The following QRICH1 variants were observed in gnomAD, a reference collection of about 807,000 sequenced individuals.
QRICH1 encodes glutamine rich 1.
Under a neutral mutation model 87.1 loss-of-function variants are expected in QRICH1, and 16 were observed. The ratio of observed to expected loss-of-function variants is 0.18; its 90% CI spans 0.12 to 0.28. The LOEUF is 0.28. Among genes scored for constraint, QRICH1 ranks in the 10% least tolerant of loss-of-function variants. The pLI, the probability that QRICH1 is intolerant of heterozygous loss-of-function variation, is 1.00. For synonymous variants in QRICH1, 367 were observed against 368.4 expected, an observed-to-expected ratio of 1.00 and a Z score of 0.05; for missense variants, 647 against 951.7, an observed-to-expected ratio of 0.68 and a Z score of 4.21.
intron 5 of QRICH1, 150 bp downstream of exon 5, chr3:49,046,275 A>AC: frequency 1.1e-6 from 1 of 903,546 alleles, no homozygotes; most frequent in Non-Finnish European, 1.6e-6. Context: ...AAAAAAAAAA[A>AC]AAACAACAAA....
chr3:49,052,890 G>A (rs1420208759), intron 3 of QRICH1, among the ~76,000 whole-genome samples: 1 of 152,166 alleles, frequency 6.6e-6, no homozygotes. Flanking sequence ...AGAAGTATCA[G>A]TACATACTTC....
rs749075220 is a variant in QRICH1, at chr3:49,032,178, C to T, written c.2138+5G>A. The T allele has an allele frequency of 6.2e-7, 1 of 1,605,478 alleles. No individual in the cohort carries two copies. Among genetic ancestry groups the T allele is most frequent in the Non-Finnish European group, 8.5e-7 (1 of 1,172,140 alleles). ...CATGGACAGCAAGTCACAATAAAGC[C>T]TCACCATTTGAAGAGGTAGAAATCA... On this transcript the variant is annotated splice_donor_5th_base_variant and intron_variant, in intron 9 of 9. Transcript: ENST00000395443.
chr3:49,058,705 T>C (rs936431255), intron 2 of QRICH1, among the ~76,000 whole-genome samples: 1 of 152,236 alleles, frequency 6.6e-6, no homozygotes, highest in East Asian at 1.9e-4. Context: ...CTTGGCTCAC[T>C]GCAACCTCAA....
intron 6 of QRICH1, among the ~76,000 whole-genome samples, chr3:49,038,071 T>C (rs2106830944): frequency 6.6e-6 from 1 of 152,220 alleles, no homozygotes; most frequent in East Asian, 1.9e-4. Flanking sequence ...GGGTAGATTT[T>C]TTTTTTTTAA....
At chr3:49,065,134 ACCT>A (rs1400279445) in intron 2 of QRICH1, among the ~76,000 whole-genome samples, 5 of 151,760 alleles carry the variant, frequency 3.3e-5, no homozygotes, top group Non-Finnish European at 5.9e-5. Flanking sequence ...ATTTTTGGAA[ACCT>A]CTTTTTTTTT....
At chr3:49,041,166 C>T (rs1191170994) in intron 6 of QRICH1, among the ~76,000 whole-genome samples, 1 of 151,982 alleles carries the variant, frequency 6.6e-6, no homozygotes. Context: ...ATATGGGTTT[C>T]CCCATATTGG....
intron 1 of QRICH1, among the ~76,000 whole-genome samples, chr3:49,091,350 A>G (rs914700857): frequency 6.6e-6 from 1 of 152,202 alleles, no homozygotes; most frequent in Non-Finnish European, 1.5e-5. Context: ...CAAGAAAGAA[A>G]TATGGCACAT....
intron 6 of QRICH1, among the ~76,000 whole-genome samples, chr3:49,040,818 C>G (rs2093305593): frequency 6.6e-6 from 1 of 152,164 alleles, no homozygotes; most frequent in Non-Finnish European, 1.5e-5. Context: ...GTGGTTGTGT[C>G]TTTTTGCATT....
chr3:49,087,288 G>C (rs2042184133), intron 1 of QRICH1, among the ~76,000 whole-genome samples: 1 of 150,712 alleles, frequency 6.6e-6, no homozygotes. Context: ...GCCAGGCACA[G>C]TGGCTCACGC....
chr3:49,034,103 A>ATTATTC (rs1371198076), intron 6 of QRICH1, among the ~76,000 whole-genome samples: 1 of 150,870 alleles, frequency 6.6e-6, no homozygotes, highest in Non-Finnish European at 1.5e-5. Flanking sequence ...TATTATTATT[A>ATTATTC]TTATTAGCTA....
In QRICH1 at chr3:49,029,708, G is replaced by A. The variant is rs1406668361; in HGVS notation, c.*744C>T. ...ATAAAGAGACGTTGTTCACTAACAT[G>A]TTGAAAAGACGTGCTTGTCATTCTT... is the stretch of plus-strand genomic sequence containing the variant. On this transcript the variant is annotated 3_prime_UTR_variant, in exon 10 of 10. Coordinates refer to ENST00000395443, the MANE Select transcript of QRICH1 (RefSeq NM_198880.3). The A allele has an allele frequency of 2.7e-6, 1 of 370,526 alleles. No homozygotes were observed. The highest frequency in any genetic ancestry group is 2.1e-5 in the African/African-American group (1 of 48,200). The allele number at this position is 370,526 out of a possible 1,614,324, so 23.0% of individuals were successfully genotyped here.
intron 6 of QRICH1, among the ~76,000 whole-genome samples, chr3:49,038,507 T>C (rs1202574572): frequency 6.6e-6 from 1 of 151,504 alleles, no homozygotes; most frequent in African/African-American, 2.4e-5. Context: ...CCGCCTCTCC[T>C]GGGTTCAAGT....
At chr3:49,059,104 G>T (rs534046945) in intron 2 of QRICH1, among the ~76,000 whole-genome samples, 1 of 151,698 alleles carries the variant, frequency 6.6e-6, no homozygotes, top group African/African-American at 2.4e-5. Flanking sequence ...TGGGACTACA[G>T]GTGCCTGCCA....
chr3:49,062,336 G>C (rs920309409), intron 2 of QRICH1, among the ~76,000 whole-genome samples: 1 of 89,992 alleles, frequency 1.1e-5, no homozygotes, highest in Non-Finnish European at 2.3e-5. Context: ...CTCCATCTCA[G>C]AAAAAAAAAA....
chr3:49,050,357 A>AGGTTGCAG (rs1250971808), intron 3 of QRICH1, among the ~76,000 whole-genome samples: 1 of 136,440 alleles, frequency 7.3e-6, no homozygotes, highest in African/African-American at 2.7e-5. Flanking sequence ...TGGGAGGCAG[A>AGGTTGCAG]GGTTGCAGTG....
chr3:49,057,752 A>T lies in QRICH1; in HGVS notation c.448T>A (p.Ser150Thr). ...CTCTGCAGAGACGGGGTCTGAATGG[A>T]GGGGGCTGCTGACTGTGGTGCCTGG... ...QGQAPQSAAP[S>T]IQTPSLQSPS... The change falls in exon 3 of 10, where the codon TCC (serine) becomes ACC (threonine). Residue 150 changes from serine (S) to threonine (T), a missense_variant. By Grantham distance (58) the Ser-to-Thr change is moderately conservative. Transcript: ENST00000395443. The surrounding 1 kb of genome is among the most constrained non-coding windows in gnomAD (Gnocchi z 5.4). 6.2e-7 allele frequency: 1 copy of T among 1,614,040 alleles called. No individual in the cohort carries two copies. Among genetic ancestry groups the T allele is most frequent in the Non-Finnish European group, 8.5e-7 (1 of 1,180,022 alleles).
Position 49,061,134 on chromosome 3 carries a change from T to TAAAAAA in QRICH1, c.310-3250_310-3245dup, listed in dbSNP as rs57557768. Among the ~76,000 whole-genome samples, 32 of 39,742 alleles carry TAAAAAA rather than the reference T, an allele frequency of 8.1e-4. 2 individuals carry two copies. Among genetic ancestry groups the TAAAAAA allele is most frequent in the African/African-American group, 3.2e-3 (28 of 8,734 alleles). The allele number at this position is 39,742 out of a possible 152,430, so 26.1% of individuals were successfully genotyped here. A position where few individuals can be genotyped will look rare whatever the true frequency, so the allele number is the denominator to read the frequency against. On this transcript the variant is annotated intron_variant, in intron 2 of 9. Transcript: ENST00000395443. The stretch of plus-strand genomic sequence containing the variant: ...TGGGTGACAGAGTGAGCCTCCATCT[T>TAAAAAA]AAAAAAAAAAAAAAAAAAAAAAAAA...
intron 2 of QRICH1, among the ~76,000 whole-genome samples, chr3:49,073,254 A>G (rs1396307759): frequency 2.0e-5 from 3 of 152,220 alleles, no homozygotes; most frequent in Non-Finnish European, 4.4e-5. Flanking sequence ...AAAGACCTCT[A>G]AAGAGGAAAA....
At chr3:49,075,824 C>T (rs1295873126) in intron 2 of QRICH1, among the ~76,000 whole-genome samples, 1 of 152,114 alleles carries the variant, frequency 6.6e-6, no homozygotes, top group Non-Finnish European at 1.5e-5. Context: ...CACCTGTAGT[C>T]CCAGCTACTC....
Sources: allele counts gnomAD v4.1 joint callset (sites outside exome capture counted in the v4.1 genomes callset), GRCh38; gene constraint gnomAD v4.1.1; non-coding constraint Gnocchi (gnomAD v3.1); transcripts MANE v1.5; gene names NCBI Gene and HGNC (gene_info 2026-07-23, HGNC 2026-07-21).